WIPF1: variants seen among roughly 807,000 people sequenced by gnomAD.
The protein encoded by WIPF1 is WAS/WASL interacting protein family member 1, also known as WAS/WASL-interacting protein family member 1.
A neutral mutation model predicts 35.4 loss-of-function variants in WIPF1; 13 were observed. The ratio of observed to expected loss-of-function variants is 0.37; its 90% CI spans 0.24 to 0.58. The LOEUF (loss-of-function observed/expected upper bound fraction) is 0.58, where lower values mean the gene tolerates loss of function less well. Ranked by LOEUF, WIPF1 falls within the 20% of genes least tolerant of loss-of-function variation. The probability of loss-of-function intolerance (pLI) is 0.74; values close to 1 mark genes in which losing one functional copy is unlikely to be tolerated. For synonymous variants in WIPF1, 267 were observed against 266.3 expected (o/e 1.00, Z -0.02); for missense variants, 591 against 667.0 (o/e 0.89, Z 1.25).
At chr2:174,632,166 T>G (rs1687041494) in intron 1 of WIPF1, among the ~76,000 whole-genome samples, 1 of 152,164 alleles carries the variant, frequency 6.6e-6, no homozygotes, top group Non-Finnish European at 1.5e-5. Context: ...AGATTAATAC[T>G]CCAGGTGCTC....
intron 3 of WIPF1, among the ~76,000 whole-genome samples, chr2:174,576,490 C>T (rs1685068715): frequency 6.6e-6 from 1 of 151,950 alleles, no homozygotes; most frequent in East Asian, 1.9e-4. Context: ...ATTTGATGGC[C>T]CTTTAGATTG....
upstream of WIPF1, among the ~76,000 whole-genome samples, chr2:174,598,441 A>G (rs1685892925): frequency 6.6e-6 from 1 of 152,084 alleles, no homozygotes; most frequent in South Asian, 2.1e-4. Flanking sequence ...CCTCCTGAGT[A>G]GCTGAGACTA....
intron 3 of WIPF1, among the ~76,000 whole-genome samples, chr2:174,576,161 G>A (rs990510043): frequency 2.0e-5 from 3 of 149,604 alleles, no homozygotes; most frequent in Admixed American, 6.6e-5. Context: ...CTACTTAAGA[G>A]GCTGAGTGAG....
intron 1 of WIPF1, among the ~76,000 whole-genome samples, chr2:174,589,646 A>G (rs1224541216): frequency 6.6e-6 from 1 of 152,206 alleles, no homozygotes; most frequent in Non-Finnish European, 1.5e-5. Context: ...AAAAGTACAT[A>G]TTATTTCTAC....
chr2:174,562,160 T>C lies in WIPF1; in HGVS notation c.*387A>G, dbSNP rs1234839598. 1 of 1,550,364 alleles carries C rather than the reference T, an allele frequency of 6.5e-7. No individual in the cohort carries two copies. The highest frequency in any genetic ancestry group is 8.7e-7 in the Non-Finnish European group (1 of 1,146,990). ...ATAGAAACAGAGAGGAGGCCAAGCA[T>C]GCGAAAAAGGAACGGGAGAAAACAG... On this transcript the variant is annotated 3_prime_UTR_variant, in exon 8 of 8. Coordinates refer to ENST00000679041, the MANE Select transcript of WIPF1 (RefSeq NM_001375834.1).
chr2:174,604,385 T>C (rs1045557687), intron 1 of WIPF1, among the ~76,000 whole-genome samples: 2 of 152,244 alleles, frequency 1.3e-5, no homozygotes, highest in Non-Finnish European at 2.9e-5. Flanking sequence ...TTTATGTATA[T>C]GCGCAATGCT....
At chr2:174,591,567 G>A (rs1364887297) in intron 1 of WIPF1, among the ~76,000 whole-genome samples, 1 of 152,074 alleles carries the variant, frequency 6.6e-6, no homozygotes, top group African/African-American at 2.4e-5. Flanking sequence ...GAGGGATCTA[G>A]CAATAACCCT....
At chr2:174,610,181 C>T (rs2105897534) in intron 1 of WIPF1, among the ~76,000 whole-genome samples, 1 of 152,334 alleles carries the variant, frequency 6.6e-6, no homozygotes, top group African/African-American at 2.4e-5. Flanking sequence ...CCTGCTGGAG[C>T]ATGTGCACAT....
chr2:174,587,618 C>G (rs1279447336), intron 1 of WIPF1: 4 of 152,208 alleles, frequency 2.6e-5, no homozygotes, highest in Non-Finnish European at 4.4e-5. Flanking sequence ...AACAGCAGCT[C>G]TCATGTATGG....
intron 1 of WIPF1, among the ~76,000 whole-genome samples, chr2:174,615,368 TAAC>T (rs1246136455): frequency 3.3e-5 from 5 of 152,186 alleles, no homozygotes; most frequent in Admixed American, 3.3e-4. Flanking sequence ...TCAGAGAACA[TAAC>T]AATCACTATA....
At chr2:174,592,676 G>A (rs991131001) in intron 1 of WIPF1, among the ~76,000 whole-genome samples, 1 of 150,042 alleles carries the variant, frequency 6.7e-6, no homozygotes, top group African/African-American at 2.5e-5. Context: ...TACGATCTTG[G>A]CTCACTGCAA....
chr2:174,594,583 A>G (rs963780333), intron 1 of WIPF1, among the ~76,000 whole-genome samples: 3 of 138,364 alleles, frequency 2.2e-5, no homozygotes, highest in Non-Finnish European at 4.9e-5. Context: ...CATACTTCCC[A>G]TCTCTTTAAG....
rs1330989028 is a variant in WIPF1, at chr2:174,594,688, CTT to C, written c.-39+2911_-39+2912del. Among the ~76,000 whole-genome samples, 24 of 82,566 alleles carry C rather than the reference CTT, an allele frequency of 2.9e-4. 6 individuals are homozygous for C. The highest frequency in any genetic ancestry group is 6.0e-4 in the Non-Finnish European group (21 of 35,246). The allele number at this position is 82,566 out of a possible 152,430, so 54.2% of individuals were successfully genotyped here. On this transcript the variant is annotated intron_variant, in intron 1 of 7. Transcript: ENST00000679041. The stretch of plus-strand genomic sequence containing the variant: ...GATGTGCCACTGTTTCTCTCTCTCT[CTT>C]TCTCTCTCTCTCTCTCTCACACACA...
At chr2:174,639,745 T>C (rs932806348) in intron 1 of WIPF1, among the ~76,000 whole-genome samples, 3 of 152,214 alleles carry the variant, frequency 2.0e-5, no homozygotes, top group African/African-American at 7.2e-5. Context: ...TTTGGCTTTG[T>C]TGCCTATGCG....
At chr2:174,657,001 A>C (rs1687653853) in intron 1 of WIPF1, among the ~76,000 whole-genome samples, 1 of 152,218 alleles carries the variant, frequency 6.6e-6, no homozygotes, top group African/African-American at 2.4e-5. Context: ...GAGACAGCTG[A>C]TACACACTGT....
At chr2:174,632,502 G>C (rs189296788) in intron 1 of WIPF1, among the ~76,000 whole-genome samples, 3 of 152,084 alleles carry the variant, frequency 2.0e-5, no homozygotes, top group Non-Finnish European at 4.4e-5. Flanking sequence ...CTGAGGTCAG[G>C]AGTTCAAGAC....
At chr2:174,566,849 T>G in intron 7 of WIPF1, 1 of 468,416 alleles carries the variant, frequency 2.1e-6, no homozygotes, top group Non-Finnish European at 3.8e-6. Flanking sequence ...ACCACGGTAT[T>G]TTGAGCTTGT....
intron 1 of WIPF1, chr2:174,673,302 C>G (rs1022387696): frequency 6.6e-6 from 1 of 152,214 alleles, no homozygotes; most frequent in Non-Finnish European, 1.5e-5. Flanking sequence ...GTGGAGAGTT[C>G]AGGGTCCCTT....
At chr2:174,668,930 G>T (rs1278164091) in intron 1 of WIPF1, among the ~76,000 whole-genome samples, 1 of 152,182 alleles carries the variant, frequency 6.6e-6, no homozygotes, top group Non-Finnish European at 1.5e-5. Flanking sequence ...TGTTGACCTT[G>T]CCAGATTAGC....
Sources: allele counts gnomAD v4.1 joint callset (sites outside exome capture counted in the v4.1 genomes callset), GRCh38; gene constraint gnomAD v4.1.1; transcripts MANE v1.5; gene names NCBI Gene and HGNC (gene_info 2026-07-23, HGNC 2026-07-21).